PUM1: variants seen among roughly 807,000 people sequenced by gnomAD.
The protein encoded by PUM1 is pumilio RNA binding family member 1.
In PUM1, 13 loss-of-function variants were observed where a neutral mutation model predicts 131.8. The observed-to-expected ratio is 0.10, with a 90% CI of 0.06 to 0.16. The LOEUF (loss-of-function observed/expected upper bound fraction) is 0.16, where lower values mean the gene tolerates loss of function less well. Ranked by LOEUF, PUM1 falls within the 10% of genes least tolerant of loss-of-function variation. The pLI, the probability that PUM1 is intolerant of heterozygous loss-of-function variation, is 1.00. For synonymous variants in PUM1, 509 were observed against 556.5 expected (o/e 0.91, Z 1.20); for missense variants, 961 against 1,512.4 (o/e 0.64, Z 6.05).
chr1:31,009,697 C>T lies in PUM1; in HGVS notation c.433-2595G>A, dbSNP rs111638370. Among the ~76,000 whole-genome samples, 564 of 144,270 alleles carry T rather than the reference C, an allele frequency of 3.9e-3. 7 individuals are homozygous for T. The highest frequency in any genetic ancestry group is 0.013 in the African/African-American group (489 of 38,332). 94.6% of individuals were successfully genotyped at this position (144,270 alleles called of 152,430 possible). On this transcript the variant is annotated intron_variant, in intron 3 of 21. Coordinates refer to ENST00000426105, the MANE Select transcript of PUM1 (RefSeq NM_001020658.2). Reference sequence around the variant, plus strand: ...GCACAAGAATTGCTTGAACCAGGGACGCAGAGGTTGCAATGAGCCAAGATC... The same window carrying T: ...GCACAAGAATTGCTTGAACCAGGGATGCAGAGGTTGCAATGAGCCAAGATC...
intron 3 of PUM1, among the ~76,000 whole-genome samples, chr1:31,024,040 A>C (rs184151859): frequency 5.3e-5 from 8 of 152,232 alleles, no homozygotes; most frequent in African/African-American, 1.7e-4. Context: ...TAAAAAGGCC[A>C]GAACAATTCC....
At chr1:30,966,673 T>C (rs540071527) in intron 12 of PUM1, among the ~76,000 whole-genome samples, 9 of 152,204 alleles carry the variant, frequency 5.9e-5, no homozygotes, top group Non-Finnish European at 8.8e-5. Flanking sequence ...ACTGCTGTCT[T>C]CTAGATGTTC....
At chr1:30,990,704 A>T (rs901251924) in intron 7 of PUM1, among the ~76,000 whole-genome samples, 1 of 152,168 alleles carries the variant, frequency 6.6e-6, no homozygotes, top group African/African-American at 2.4e-5. Context: ...TCAGAAAAGA[A>T]TTATGGCCCA....
At chr1:31,038,985 T>TATATATATATATATATATATATA (rs879343889) in intron 2 of PUM1, among the ~76,000 whole-genome samples, 7 of 32,974 alleles carry the variant, frequency 2.1e-4, no homozygotes, top group Non-Finnish European at 2.7e-4. Flanking sequence ...TATATATATA[T>TATATATATATATATATATATATA]TTTTTTTTTT....
At position 31,064,007 on chromosome 1, in the gene PUM1, T is replaced by C. The variant is rs1644425527; in HGVS notation, c.-12+1609A>G. 2.0e-5 allele frequency among the ~76,000 whole-genome samples: 3 copies of C among 152,324 alleles called. No homozygotes were observed. The South Asian group carries it at 6.2e-4, about 32-fold the overall frequency. Reference sequence around the variant, plus strand: ...TGTAGCATTTAAAATGTGATTTTTTTACAAATGACACCTTATAAGTACTTT... The same window carrying C: ...TGTAGCATTTAAAATGTGATTTTTTCACAAATGACACCTTATAAGTACTTT... On this transcript the variant is annotated intron_variant, in intron 1 of 21. Transcript: ENST00000426105.
intron 2 of PUM1, chr1:31,055,205 T>C: frequency 2.6e-6 from 1 of 380,756 alleles, no homozygotes; most frequent in Admixed American, 3.2e-5. Flanking sequence ...ATGTGCCCCT[T>C]TGCTCTTCAA....
chr1:30,965,501 T>C (rs1044688658), intron 13 of PUM1, among the ~76,000 whole-genome samples: 2 of 152,186 alleles, frequency 1.3e-5, no homozygotes, highest in African/African-American at 4.8e-5. Context: ...CATCAAAACA[T>C]TAAAAATATC....
chr1:31,025,974 C>T (rs1048901565), intron 3 of PUM1, among the ~76,000 whole-genome samples: 3 of 152,086 alleles, frequency 2.0e-5, no homozygotes, highest in Non-Finnish European at 4.4e-5. Flanking sequence ...TATCTTCCAC[C>T]GGGCACGGTA....
intron 7 of PUM1, among the ~76,000 whole-genome samples, chr1:30,985,814 T>G (rs1641535389): frequency 6.6e-6 from 1 of 152,162 alleles, no homozygotes; most frequent in Non-Finnish European, 1.5e-5. Context: ...TAGTTGAATT[T>G]GAAGGTGAGA....
At chr1:31,009,010 A>G (rs757653668) in intron 3 of PUM1, among the ~76,000 whole-genome samples, 3 of 125,450 alleles carry the variant, frequency 2.4e-5, no homozygotes, top group Admixed American at 7.5e-5. Context: ...TGTCTTTACT[A>G]AAAATACAAA....
chr1:30,933,231 G>A lies in PUM1; in HGVS notation c.3547C>T (p.Pro1183Ser). Residue 1183 changes from proline to serine, a missense_variant, in exon 22 of 22, where the codon CCC becomes TCC. By Grantham distance (74) the Pro-to-Ser change is moderately conservative. Coordinates refer to ENST00000426105, the MANE Select transcript of PUM1 (RefSeq NM_001020658.2). ...NGVDLGPICG[P>S]PNGII ...CTGCCTCAGATGATACCATTAGGGG[G>A]GCCACAGATGGGCCCTAAGTCAACA... 1 of 1,613,306 alleles carries A rather than the reference G, an allele frequency of 6.2e-7. No homozygotes were observed. Among genetic ancestry groups the A allele is most frequent in the Non-Finnish European group, 8.5e-7 (1 of 1,179,662 alleles).
chr1:30,942,616 C>T (rs1050034805), intron 18 of PUM1, among the ~76,000 whole-genome samples: 5 of 152,092 alleles, frequency 3.3e-5, no homozygotes, highest in Non-Finnish European at 7.4e-5. Context: ...GGGTTTGGAG[C>T]AATAGAAAAG....
At chr1:31,000,122 G>T (rs918330601) in intron 5 of PUM1, among the ~76,000 whole-genome samples, 5 of 152,182 alleles carry the variant, frequency 3.3e-5, no homozygotes, top group African/African-American at 1.2e-4. Context: ...AATAGCTCGG[G>T]TAAGTATCCA....
chr1:31,004,148 T>TA (rs1316032686), intron 5 of PUM1, among the ~76,000 whole-genome samples: 4 of 152,228 alleles, frequency 2.6e-5, no homozygotes, highest in African/African-American at 9.6e-5. Context: ...AGACAAATGA[T>TA]ACAGCTTTTG....
chr1:31,011,069 G>C (rs1402014321), intron 3 of PUM1, among the ~76,000 whole-genome samples: 1 of 152,052 alleles, frequency 6.6e-6, no homozygotes, highest in East Asian at 1.9e-4. Flanking sequence ...GAGGTGGGAA[G>C]ACTCCTTGAG....
chr1:31,018,161 C>T (rs1642890544), intron 3 of PUM1, among the ~76,000 whole-genome samples: 1 of 151,328 alleles, frequency 6.6e-6, no homozygotes, highest in East Asian at 1.9e-4. Context: ...ACCAGCCTGG[C>T]CAACATGGTA....
intron 7 of PUM1, among the ~76,000 whole-genome samples, chr1:30,982,421 T>C (rs1641390545): frequency 6.6e-6 from 1 of 152,224 alleles, no homozygotes; most frequent in Non-Finnish European, 1.5e-5. Flanking sequence ...GTAACCTAAT[T>C]TGTGGATCAC....
At chr1:30,970,860 G>A (rs956497954) in intron 10 of PUM1, among the ~76,000 whole-genome samples, 1 of 152,154 alleles carries the variant, frequency 6.6e-6, no homozygotes, top group East Asian at 1.9e-4. Flanking sequence ...TAAAGAAGTA[G>A]GTTTATGTTT....
At position 30,950,783 on chromosome 1, in the gene PUM1, C is replaced by T. The variant is rs1251419477; in HGVS notation, c.2722-522G>A. On this transcript the variant is annotated intron_variant, in intron 16 of 21. Transcript: ENST00000426105. The stretch of plus-strand genomic sequence containing the variant: ...GGCTGAGGCAGGAGAATCGCTTGAA[C>T]CCAGGCGGCAGAGGTTACAGTGAGC... Among the ~76,000 whole-genome samples, 5 of 152,316 alleles carry T rather than the reference C, an allele frequency of 3.3e-5. No homozygotes were observed. In the South Asian group the frequency reaches 8.3e-4, roughly 25 times the overall value.
Sources: allele counts gnomAD v4.1 joint callset (sites outside exome capture counted in the v4.1 genomes callset), GRCh38; gene constraint gnomAD v4.1.1; transcripts MANE v1.5; gene names NCBI Gene and HGNC (gene_info 2026-07-23, HGNC 2026-07-21).